The following PPP1R12A variants were observed in gnomAD, a reference collection of about 807,000 sequenced individuals.
PPP1R12A encodes myosin binding subunit.
Under a neutral mutation model 139.6 loss-of-function variants are expected in PPP1R12A, and 19 were observed. The ratio of observed to expected loss-of-function variants is 0.14; its 90% CI spans 0.09 to 0.20. PPP1R12A has a LOEUF of 0.20. Among genes scored for constraint, PPP1R12A ranks in the 10% least tolerant of loss-of-function variants. The pLI is 1.00. For synonymous variants in PPP1R12A, 427 were observed against 420.6 expected (o/e 1.02, Z -0.19); for missense variants, 925 against 1,211.5 (o/e 0.76, Z 3.51).
At chr12:79,791,799 T>C (rs1871906931) in intron 19 of PPP1R12A, among the ~76,000 whole-genome samples, 1 of 152,170 alleles carries the variant, frequency 6.6e-6, no homozygotes, top group Non-Finnish European at 1.5e-5. Context: ...CTATATCCAA[T>C]GAACAACTTC....
chr12:79,813,287 A>G (rs1874840182), intron 9 of PPP1R12A, among the ~76,000 whole-genome samples: 1 of 152,158 alleles, frequency 6.6e-6, no homozygotes, highest in Non-Finnish European at 1.5e-5. Flanking sequence ...CCCTTTCAAC[A>G]AGGTTTACAA....
chr12:79,872,325 G>A (rs1333186639), intron 2 of PPP1R12A, among the ~76,000 whole-genome samples: 1 of 152,014 alleles, frequency 6.6e-6, no homozygotes, highest in Non-Finnish European at 1.5e-5. Flanking sequence ...AGGTAGTAGA[G>A]AATACAATGA....
intron 4 of PPP1R12A, among the ~76,000 whole-genome samples, chr12:79,829,240 C>A (rs1057187508): frequency 6.6e-6 from 1 of 152,060 alleles, no homozygotes; most frequent in Non-Finnish European, 1.5e-5. Flanking sequence ...TAGCATAGCC[C>A]CACACAAACA....
intron 14 of PPP1R12A, among the ~76,000 whole-genome samples, chr12:79,805,303 A>T (rs1468572790): frequency 2.6e-5 from 4 of 152,064 alleles, no homozygotes; most frequent in Admixed American, 1.3e-4. Context: ...TCATCAAAAA[A>T]TTTTTTTTGA....
At chr12:79,826,847 A>C (rs892955966) in intron 5 of PPP1R12A, among the ~76,000 whole-genome samples, 3 of 152,192 alleles carry the variant, frequency 2.0e-5, no homozygotes, top group Non-Finnish European at 4.4e-5. Flanking sequence ...TCAATTAATA[A>C]GCTTCTCTCA....
chr12:79,776,084 A>C (rs1175409925), intron 24 of PPP1R12A, 69 bp from the exon 25 acceptor site: 2 of 979,848 alleles, frequency 2.0e-6, no homozygotes, highest in African/African-American at 3.3e-5. Flanking sequence ...ATTCTTAATA[A>C]ATGTTATATT....
intron 1 of PPP1R12A, among the ~76,000 whole-genome samples, chr12:79,911,334 G>T (rs1443324386): frequency 6.6e-6 from 1 of 151,974 alleles, no homozygotes; most frequent in South Asian, 2.1e-4. Context: ...TATCCTAAGC[G>T]AACTAACACA....
intron 14 of PPP1R12A, among the ~76,000 whole-genome samples, chr12:79,803,603 G>GAAATTTAA (rs1268700015): frequency 1.4e-4 from 21 of 152,016 alleles, no homozygotes; most frequent in African/African-American, 5.1e-4. Context: ...AACCACTGAC[G>GAAATTTAA]AAATTTAAAT....
chr12:79,894,694 G>A (rs926463598), intron 1 of PPP1R12A, among the ~76,000 whole-genome samples: 19 of 152,040 alleles, frequency 1.2e-4, no homozygotes, highest in East Asian at 7.7e-4. Flanking sequence ...AATCTATCAC[G>A]CACTCCTTTG....
At chr12:79,908,998 C>G (rs1485264073) in intron 1 of PPP1R12A, among the ~76,000 whole-genome samples, 1 of 152,084 alleles carries the variant, frequency 6.6e-6, no homozygotes, top group Non-Finnish European at 1.5e-5. Flanking sequence ...TTTGTTGTGG[C>G]CTATCAATTG....
At chr12:79,807,110 G>A (rs1232124550) in intron 12 of PPP1R12A, 116 bp downstream of exon 12, 10 of 575,722 alleles carry the variant, frequency 1.7e-5, no homozygotes, top group South Asian at 1.3e-4. Flanking sequence ...ACAAAAACTC[G>A]TATTTAATAA....
intron 2 of PPP1R12A, among the ~76,000 whole-genome samples, chr12:79,849,104 T>C (rs1592710832): frequency 6.6e-6 from 1 of 152,260 alleles, no homozygotes. Context: ...TGTTGTCATA[T>C]GCAAAATTAT....
intron 1 of PPP1R12A, among the ~76,000 whole-genome samples, chr12:79,893,318 C>T (rs571637736): frequency 2.6e-5 from 4 of 152,130 alleles, no homozygotes; most frequent in East Asian, 1.9e-4. Flanking sequence ...CCACTATTTT[C>T]GGTGATATTA....
chr12:79,881,071 G>A (rs1479695916), intron 1 of PPP1R12A, among the ~76,000 whole-genome samples: 3 of 151,978 alleles, frequency 2.0e-5, no homozygotes, highest in African/African-American at 2.4e-5. Flanking sequence ...TCCACAAACC[G>A]GCAGTTCCCC....
At chr12:79,844,910 T>C (rs781745156) in intron 3 of PPP1R12A, among the ~76,000 whole-genome samples, 2 of 152,208 alleles carry the variant, frequency 1.3e-5, no homozygotes, top group South Asian at 2.1e-4. Context: ...CAGATCATCA[T>C]GACTCATTCC....
At chr12:79,832,602 G>A in intron 3 of PPP1R12A, 111 bp from the exon 4 acceptor site, 1 of 1,171,280 alleles carries the variant, frequency 8.5e-7, no homozygotes, top group Non-Finnish European at 1.1e-6. Flanking sequence ...GTGAAAGTAT[G>A]TCTTTTTAAA....
At chr12:79,832,186 T>C in intron 4 of PPP1R12A, 146 bp downstream of exon 4, 2 of 626,750 alleles carry the variant, frequency 3.2e-6, no homozygotes, top group Non-Finnish European at 5.0e-6. Flanking sequence ...ATATTCAAAG[T>C]AGTTTTTCTC....
intron 2 of PPP1R12A, among the ~76,000 whole-genome samples, chr12:79,850,402 C>G (rs1245013088): frequency 2.6e-5 from 4 of 152,120 alleles, no homozygotes; most frequent in Admixed American, 2.6e-4. Flanking sequence ...TTTTGATAGT[C>G]TCCACTATCT....
chr12:79,830,474 TG>T (rs1877287766), intron 4 of PPP1R12A, among the ~76,000 whole-genome samples: 1 of 152,148 alleles, frequency 6.6e-6, no homozygotes, highest in South Asian at 2.1e-4. Flanking sequence ...TTACTTCCCA[TG>T]TGAGTGGGAA....
Sources: gnomAD v4.1 joint callset for allele counts (sites outside exome capture counted in the v4.1 genomes callset) on GRCh38, gnomAD v4.1.1 for gene constraint, MANE v1.5 for transcripts, NCBI Gene and HGNC (gene_info 2026-07-23, HGNC 2026-07-21) for gene names.